The following PPEF2 variants were observed in gnomAD, a reference collection of about 807,000 sequenced individuals.
PPEF2 encodes protein phosphatase with EF-hand domain 2.
A neutral mutation model predicts 84.7 loss-of-function variants in PPEF2; 84 were observed. That is an observed-to-expected ratio of 0.99 (90% CI 0.83 to 1.19). PPEF2 has a LOEUF of 1.19. Ranked by LOEUF, PPEF2 falls within the 50% of genes most tolerant of loss-of-function variation. The pLI, the probability that PPEF2 is intolerant of heterozygous loss-of-function variation, is 0.00. For missense variants in PPEF2, 924 were observed against 937.5 expected (o/e 0.99, Z 0.19); for synonymous variants, 346 against 345.2 (o/e 1.00, Z -0.03).
At chr4:75,867,485 C>T (rs1578001505) in intron 13 of PPEF2, 66 bp from the exon 14 acceptor site, 1 of 1,187,428 alleles carries the variant, frequency 8.4e-7, no homozygotes, top group East Asian at 2.4e-5. Flanking sequence ...AGAGATTTTA[C>T]TATATTTCCA....
At position 75,882,796 on chromosome 4, in the gene PPEF2, A is replaced by G. The variant is rs1578009617; in HGVS notation, c.933+130T>C. 3.0e-6 allele frequency: 3 copies of G among 1,005,942 alleles called. No homozygotes were observed. The East Asian group carries it at 7.6e-5, about 25-fold the overall frequency. 62.3% of individuals were successfully genotyped at this position (1,005,942 alleles called of 1,614,324 possible). A position where few individuals can be genotyped will look rare whatever the true frequency, so the allele number is the denominator to read the frequency against. On this transcript the variant is annotated intron_variant, in intron 10 of 16. Coordinates refer to ENST00000286719, the MANE Select transcript of PPEF2 (RefSeq NM_006239.3). ...GTGTGAGACACTGTGCCCAGCCTCC[A>G]TACTCTTAATGGCCTCCACACTCTT...
intron 10 of PPEF2, among the ~76,000 whole-genome samples, chr4:75,879,930 G>A (rs1426309874): frequency 6.6e-6 from 1 of 151,904 alleles, no homozygotes; most frequent in African/African-American, 2.4e-5. Context: ...CCAGATTCAA[G>A]CAATTCTCCT....
At chr4:75,889,177 A>T (rs527476988) in intron 5 of PPEF2, 1 of 152,664 alleles carries the variant, frequency 6.6e-6, no homozygotes, top group South Asian at 2.1e-4. Context: ...GCGCCACTGT[A>T]CTCCAGCCTG....
At chr4:75,885,997 G>A (rs980920110) in intron 7 of PPEF2, among the ~76,000 whole-genome samples, 8 of 118,076 alleles carry the variant, frequency 6.8e-5, no homozygotes, top group Admixed American at 1.0e-4. Context: ...CGAGAAGAGC[G>A]AAACTCTGTC....
Position 75,873,321 on chromosome 4 carries a change from A to G in PPEF2, c.1321-9T>C, listed in dbSNP as rs751077205. Reference sequence around the variant, plus strand: ...CACAGGATATCTACAACCTGAGAAGACCAAGAGATGATTTCCTTCCCAAAA... The same window carrying G: ...CACAGGATATCTACAACCTGAGAAGGCCAAGAGATGATTTCCTTCCCAAAA... On this transcript the variant is annotated splice_polypyrimidine_tract_variant and intron_variant, in intron 11 of 16. Transcript: ENST00000286719. 1 of 1,594,594 alleles carries G rather than the reference A, an allele frequency of 6.3e-7. No homozygotes were observed. The highest frequency in any genetic ancestry group is 1.1e-5 in the South Asian group (1 of 88,096).
intron 1 of PPEF2, 86 bp from the exon 2 acceptor site, chr4:75,896,469 G>GCC: frequency 1.3e-6 from 1 of 794,086 alleles, no homozygotes; most frequent in Non-Finnish European, 2.1e-6. Flanking sequence ...AATCATGTGA[G>GCC]AGTATCCTCT....
chr4:75,870,456 A>C (rs1365391701), intron 13 of PPEF2, among the ~76,000 whole-genome samples: 1 of 152,182 alleles, frequency 6.6e-6, no homozygotes, highest in Non-Finnish European at 1.5e-5. Flanking sequence ...ACAAGGGTAA[A>C]TGCTAAATAC....
In PPEF2 at chr4:75,882,997, C is replaced by A. The variant is rs750755249; in HGVS notation, c.862G>T (p.Val288Phe). ...GACACCCCACCATGAAGAATTAGAA[C>A]TTTCTCATCTATCAGAGTGGCCAGT... is the stretch of plus-strand genomic sequence containing the variant. ...LPLATLIDEKVLILHGGVSDI... is the reference protein window; with the variant it reads ...LPLATLIDEKFLILHGGVSDI... The change falls in exon 10 of 17, where the codon GTT becomes TTT. Residue 288 changes from valine to phenylalanine, a missense_variant. Physicochemically the swap from Val to Phe is conservative, Grantham distance 50. Transcript: ENST00000286719. The A allele has an allele frequency of 1.9e-5, 30 of 1,614,098 alleles. No homozygotes were observed. Among genetic ancestry groups the A allele is most frequent in the African/African-American group, 2.7e-5 (2 of 74,952 alleles).
At chr4:75,866,073 C>A in intron 15 of PPEF2, 116 bp downstream of exon 15, 13 of 1,190,800 alleles carry the variant, frequency 1.1e-5, no homozygotes, top group Non-Finnish European at 1.5e-5. Context: ...AGTTATTCCC[C>A]TTTCTCACCC....
rs1724160800 is a variant in PPEF2 at position 75,867,506 on chromosome 4, C to T, written c.1650-87G>A. ...TTTACTATATTTCCACTCTCTCTTT[C>T]TTAACATATCAGTCTCCCAAGAGCT... On this transcript the variant is annotated intron_variant, in intron 13 of 16. Coordinates refer to ENST00000286719, the MANE Select transcript of PPEF2 (RefSeq NM_006239.3). 9 of 982,348 alleles carry T rather than the reference C, an allele frequency of 9.2e-6. No homozygotes were observed. In the South Asian group the frequency reaches 1.4e-4, roughly 15 times the overall value. The allele number at this position is 982,348 out of a possible 1,614,324, so 60.9% of individuals were successfully genotyped here. A position where few individuals can be genotyped will look rare whatever the true frequency, so the allele number is the denominator to read the frequency against.
chr4:75,866,513 G>T, intron 14 of PPEF2, 161 bp from the exon 15 acceptor site: 2 of 854,526 alleles, frequency 2.3e-6, no homozygotes, highest in Non-Finnish European at 3.8e-6. Context: ...TTGGCTGGAA[G>T]CTAGGCTTGC....
intron 2 of PPEF2, among the ~76,000 whole-genome samples, chr4:75,894,989 C>G (rs376406911): frequency 1.3e-5 from 2 of 152,306 alleles, no homozygotes; most frequent in South Asian, 4.1e-4. Flanking sequence ...TGATTTCACT[C>G]GGTCACCCAG....
chr4:75,871,236 G>A (rs9884389), intron 13 of PPEF2, among the ~76,000 whole-genome samples: 150,935 of 152,228 alleles, frequency 0.99, 74,841 homozygotes, highest in East Asian at 1. Flanking sequence ...TACCATTCGA[G>A]TAGTATTATA....
At position 75,882,973 on chromosome 4, in the gene PPEF2, A is replaced by C; in HGVS notation, c.886T>G (p.Ser296Ala). 1 of 1,614,204 alleles carries C rather than the reference A, an allele frequency of 6.2e-7. No individual in the cohort carries two copies. Among genetic ancestry groups the C allele is most frequent in the Non-Finnish European group, 8.5e-7 (1 of 1,180,036 alleles). Residue 296 changes from serine to alanine, a missense_variant, in exon 10 of 17, where the codon TCA (serine) becomes GCA (alanine). Transcript: ENST00000286719. ...EKVLILHGGVSDITDLELLDK... is the reference protein window; with the variant it reads ...EKVLILHGGVADITDLELLDK... Reference sequence around the variant, plus strand: ...AAAAGCTCCAGATCAGTTATGTCTGACACCCCACCATGAAGAATTAGAACT... The same window carrying C: ...AAAAGCTCCAGATCAGTTATGTCTGCCACCCCACCATGAAGAATTAGAACT...
intron 1 of PPEF2, among the ~76,000 whole-genome samples, chr4:75,898,182 G>A (rs1725049932): frequency 6.6e-6 from 1 of 152,252 alleles, no homozygotes. Flanking sequence ...GGGCGGGCCA[G>A]ATGTTCCCTG....
chr4:75,874,628 G>T (rs1724364317), intron 11 of PPEF2, among the ~76,000 whole-genome samples: 1 of 152,008 alleles, frequency 6.6e-6, no homozygotes, highest in Non-Finnish European at 1.5e-5. Flanking sequence ...AAGTACTTTT[G>T]TAAAAGAAAA....
At chr4:75,894,012 A>G (rs1724952986) in intron 2 of PPEF2, among the ~76,000 whole-genome samples, 1 of 152,188 alleles carries the variant, frequency 6.6e-6, no homozygotes, top group Non-Finnish European at 1.5e-5. Flanking sequence ...AAAAATGTAT[A>G]GGCCCCTCTT....
chr4:75,875,306 C>T (rs1034272950), intron 11 of PPEF2, among the ~76,000 whole-genome samples: 2 of 152,116 alleles, frequency 1.3e-5, no homozygotes, highest in African/African-American at 4.8e-5. Flanking sequence ...AACACTACTA[C>T]AGGCCAGGCA....
chr4:75,877,916 C>T (rs1546567), intron 10 of PPEF2, among the ~76,000 whole-genome samples: 11,324 of 152,166 alleles, frequency 0.074, 1,401 homozygotes, highest in African/African-American at 0.26. Context: ...AGACCAGTGA[C>T]TTTTTTAGAC....
Sources: allele counts gnomAD v4.1 joint callset (sites outside exome capture counted in the v4.1 genomes callset), GRCh38; gene constraint gnomAD v4.1.1; transcripts MANE v1.5; gene names NCBI Gene and HGNC (gene_info 2026-07-23, HGNC 2026-07-21).